The following TEKT5 variants were observed in gnomAD, a reference collection of about 807,000 sequenced individuals.
TEKT5 encodes the protein tektin-5.
A neutral mutation model predicts 48.7 loss-of-function variants in TEKT5; 52 were observed. The observed-to-expected ratio is 1.07, with a 90% confidence interval of 0.86 to 1.35. The LOEUF (loss-of-function observed/expected upper bound fraction) is 1.35. TEKT5 is among the 40% of genes most tolerant of loss of function. The pLI, the probability that TEKT5 is intolerant of heterozygous loss-of-function variation, is 0.00. For synonymous variants in TEKT5, 318 were observed against 267.6 expected (o/e 1.19, Z -1.84); for missense variants, 831 against 641.6 (o/e 1.30, Z -3.19).
chr16:10,628,779 G>A (rs1897792924), intron 6 of TEKT5, among the ~76,000 whole-genome samples: 1 of 151,914 alleles, frequency 6.6e-6, no homozygotes, highest in Non-Finnish European at 1.5e-5. Flanking sequence ...GATGGTGGGT[G>A]CCTGTAATCC....
chr16:10,645,009 C>G (rs1014935161), intron 5 of TEKT5, among the ~76,000 whole-genome samples: 1 of 152,292 alleles, frequency 6.6e-6, no homozygotes, highest in East Asian at 1.9e-4. Flanking sequence ...TGAAGAAATA[C>G]AAAGGCTGTC....
At chr16:10,638,619 A>T (rs1249654389) in intron 5 of TEKT5, among the ~76,000 whole-genome samples, 2 of 152,256 alleles carry the variant, frequency 1.3e-5, no homozygotes, top group Non-Finnish European at 2.9e-5. Flanking sequence ...GAAGCTATTC[A>T]TCAGCTCCAC....
At chr16:10,634,029 C>A (rs2142257308) in intron 6 of TEKT5, among the ~76,000 whole-genome samples, 1 of 152,310 alleles carries the variant, frequency 6.6e-6, no homozygotes, top group South Asian at 2.1e-4. Flanking sequence ...CATCTTTTCA[C>A]ATCTAGCAGT....
chr16:10,672,612 T>C (rs1898566892), intron 5 of TEKT5, among the ~76,000 whole-genome samples: 1 of 152,030 alleles, frequency 6.6e-6, no homozygotes, highest in African/African-American at 2.4e-5. Flanking sequence ...CACCTCAACA[T>C]TGTAGATTCC....
intron 3 of TEKT5, 43 bp downstream of exon 3, chr16:10,689,210 C>T: frequency 6.5e-7 from 1 of 1,543,694 alleles, no homozygotes; most frequent in Non-Finnish European, 8.8e-7. Context: ...AGTCCTAAAA[C>T]AAACCCCAAG....
At position 10,689,794 on chromosome 16, in the gene TEKT5, T is replaced by C. The variant is rs12597911; in HGVS notation, c.648+148A>G. Reference sequence around the variant, plus strand: ...TACTCCCTGTTCCTAAATTGCAAACTAGACCTCCACCCATGCTTCCTGAGC... The same window carrying C: ...TACTCCCTGTTCCTAAATTGCAAACCAGACCTCCACCCATGCTTCCTGAGC... On this transcript the variant is annotated intron_variant, in intron 2 of 6. Transcript: ENST00000283025. 0.21 allele frequency: 144,976 copies of C among 698,312 alleles called. 16,066 individuals carry two copies. The highest frequency in any genetic ancestry group is 0.35 in the African/African-American group (19,266 of 55,674). 43.3% of individuals were successfully genotyped at this position (698,312 alleles called of 1,614,324 possible).
chr16:10,677,419 G>A lies in TEKT5; in HGVS notation c.864-1238C>T, dbSNP rs1052703296. On this transcript the variant is annotated intron_variant, in intron 4 of 6. Transcript: ENST00000283025. ...GAGGCCAGGAATTTGAGACCAGCCT[G>A]GCCAACATGGTGAAATCCCGTCTCT... Among the ~76,000 whole-genome samples the A allele has an allele frequency of 4.1e-5, 6 of 147,054 alleles. 1 individual carries two copies. The highest frequency in any genetic ancestry group is 1.6e-4 in the African/African-American group (6 of 37,340).
intron 6 of TEKT5, among the ~76,000 whole-genome samples, chr16:10,631,622 T>C (rs1426712368): frequency 2.0e-5 from 3 of 152,156 alleles, no homozygotes; most frequent in Non-Finnish European, 2.9e-5. Context: ...GAGATCATCC[T>C]GGATTTAGGG....
intron 5 of TEKT5, among the ~76,000 whole-genome samples, chr16:10,643,669 T>C (rs185232833): frequency 1.1e-4 from 16 of 152,378 alleles, no homozygotes; most frequent in Admixed American, 5.2e-4. Flanking sequence ...ATAATTTTTA[T>C]ATTGACAACA....
chr16:10,678,994 C>A (rs1302812852), intron 4 of TEKT5, among the ~76,000 whole-genome samples: 2 of 152,154 alleles, frequency 1.3e-5, no homozygotes, highest in Non-Finnish European at 2.9e-5. Flanking sequence ...GCTCAGTATT[C>A]AATGTAGATT....
At chr16:10,654,519 C>CTCT (rs1898223788) in intron 5 of TEKT5, among the ~76,000 whole-genome samples, 1 of 152,152 alleles carries the variant, frequency 6.6e-6, no homozygotes, top group Non-Finnish European at 1.5e-5. Flanking sequence ...TCATGTCCAA[C>CTCT]GTAGGCAGGC....
intron 5 of TEKT5, among the ~76,000 whole-genome samples, chr16:10,659,648 A>C (rs1347854107): frequency 1.3e-5 from 2 of 152,254 alleles, no homozygotes; most frequent in African/African-American, 2.4e-5. Context: ...GGCGTGAGCC[A>C]CCACACCTGG....
At chr16:10,676,369 GT>G (rs1898647339) in intron 4 of TEKT5, among the ~76,000 whole-genome samples, 188 bp from the exon 5 acceptor site, 1 of 152,126 alleles carries the variant, frequency 6.6e-6, no homozygotes, top group Admixed American at 6.6e-5. Flanking sequence ...CAACCACCCC[GT>G]TGTGACAACC....
chr16:10,667,828 C>T (rs956901699), intron 5 of TEKT5, among the ~76,000 whole-genome samples: 2 of 151,866 alleles, frequency 1.3e-5, no homozygotes, highest in African/African-American at 4.8e-5. Flanking sequence ...TATTGTTTTC[C>T]ACCAATAGAG....
At position 10,676,195 on chromosome 16, in the gene TEKT5, A is replaced by C; in HGVS notation, c.864-14T>G. ...GGTACGGAGATCCTGCAAAGGCACA[A>C]GGGTGAGTTGCAGCAGTCCTGGAAG... On this transcript the variant is annotated splice_polypyrimidine_tract_variant and intron_variant, in intron 4 of 6. Coordinates refer to ENST00000283025, the MANE Select transcript of TEKT5 (RefSeq NM_144674.2). 6.2e-7 allele frequency: 1 copy of C among 1,613,528 alleles called. No homozygotes were observed. Among genetic ancestry groups the C allele is most frequent in the Non-Finnish European group, 8.5e-7 (1 of 1,179,472 alleles).
At chr16:10,645,086 C>T (rs1188048698) in intron 5 of TEKT5, among the ~76,000 whole-genome samples, 1 of 152,194 alleles carries the variant, frequency 6.6e-6, no homozygotes, top group African/African-American at 2.4e-5. Flanking sequence ...GACTTTTAGC[C>T]TCCAGAACTG....
intron 5 of TEKT5, among the ~76,000 whole-genome samples, chr16:10,673,957 A>G (rs1221526527): frequency 1.3e-5 from 2 of 152,002 alleles, no homozygotes; most frequent in Non-Finnish European, 1.5e-5. Context: ...CGGCCGCTGC[A>G]TCCATTCTTA....
At chr16:10,687,645 C>T (rs12919281) in intron 3 of TEKT5, among the ~76,000 whole-genome samples, 3 of 152,044 alleles carry the variant, frequency 2.0e-5, no homozygotes, top group African/African-American at 4.8e-5. Flanking sequence ...CCCAGCTACT[C>T]GGGAGGCTGA....
At chr16:10,642,602 G>T (rs1025447305) in intron 5 of TEKT5, among the ~76,000 whole-genome samples, 2 of 152,090 alleles carry the variant, frequency 1.3e-5, no homozygotes, top group African/African-American at 4.8e-5. Context: ...TTCTGATGGT[G>T]ATCATCTGTT....
Sources: gnomAD v4.1 joint callset for allele counts (sites outside exome capture counted in the v4.1 genomes callset) on GRCh38, gnomAD v4.1.1 for gene constraint, MANE v1.5 for transcripts, NCBI Gene and HGNC (gene_info 2026-07-23, HGNC 2026-07-21) for gene names.